The following MAFG variants were observed in gnomAD, a reference collection of about 807,000 sequenced individuals.
MAFG encodes MAF bZIP transcription factor G.
In MAFG, 3 loss-of-function variants were observed where a neutral mutation model predicts 12.2. That is an observed-to-expected ratio of 0.25 (90% confidence interval 0.11 to 0.64). The LOEUF is 0.64. Ranked by LOEUF, MAFG falls within the 30% of genes least tolerant of loss-of-function variation. The pLI, the probability that MAFG is intolerant of heterozygous loss-of-function variation, is 0.85. For synonymous variants in MAFG, 126 were observed against 109.1 expected (o/e 1.15, Z -0.96); for missense variants, 153 against 235.5 (o/e 0.65, Z 2.29).
In MAFG at chr17:81,926,166, C is replaced by A. The variant is rs565613707; in HGVS notation, c.-30+1362G>T. Among the ~76,000 whole-genome samples, 11 of 152,312 alleles carry A rather than the reference C, an allele frequency of 7.2e-5. No homozygotes were observed. In the South Asian group the frequency reaches 2.3e-3, roughly 32 times the overall value. On this transcript the variant is annotated intron_variant, in intron 1 of 2. Transcript: ENST00000357736. This position sits in a 1 kb window ranked among gnomAD's most constrained non-coding sequence, Gnocchi z 4.6. ...AAAGGTGGCTCTGGCCACATCACTC[C>A]CAAGCTGCCACTTTCTAAGCGTCCT... is the stretch of plus-strand genomic sequence containing the variant.
Position 81,926,865 on chromosome 17 carries a change from C to T in MAFG, c.-30+663G>A, listed in dbSNP as rs2040943719. Among the ~76,000 whole-genome samples, 1 of 152,034 alleles carries T rather than the reference C, an allele frequency of 6.6e-6. No individual in the cohort carries two copies. The highest frequency in any genetic ancestry group is 2.4e-5 in the African/African-American group (1 of 41,396). On this transcript the variant is annotated intron_variant, in intron 1 of 2. Transcript: ENST00000357736. The surrounding 1 kb of genome is among the most constrained non-coding windows in gnomAD (Gnocchi z 4.6). ...CGGGCCTGGCCCCCTCCCACATCCC[C>T]ACGGCTCCCTCCCACCTCCCGCTGG...
In MAFG at chr17:81,925,022, G is replaced by A. The variant is rs929323079; in HGVS notation, c.-29-1808C>T. ...CATCGCCTCCTATCAAAGGTGCGCCGGGGGGTGGGGGAGGGGCAGCCCTGA... is the reference window on the plus strand; with the variant it reads ...CATCGCCTCCTATCAAAGGTGCGCCAGGGGGTGGGGGAGGGGCAGCCCTGA... On this transcript the variant is annotated intron_variant, in intron 1 of 2. Transcript: ENST00000357736. 2.0e-5 allele frequency among the ~76,000 whole-genome samples: 3 copies of A among 151,646 alleles called. No individual in the cohort carries two copies. The South Asian group carries it at 6.2e-4, about 31-fold the overall frequency.
Position 81,922,530 on chromosome 17 carries a change from A to C in MAFG, c.*75T>G. ...GAGGGAGGAAAGAGAAGAGAAGGAA[A>C]CAGAGGGACAGGGCAGCCAAATTCG... On this transcript the variant is annotated 3_prime_UTR_variant, in exon 3 of 3. Coordinates refer to ENST00000357736, the MANE Select transcript of MAFG (RefSeq NM_002359.4). 8.7e-7 allele frequency: 1 copy of C among 1,144,244 alleles called. No individual in the cohort carries two copies. The highest frequency in any genetic ancestry group is 1.2e-6 in the Non-Finnish European group (1 of 849,492). 70.9% of individuals were successfully genotyped at this position (1,144,244 alleles called of 1,614,324 possible). A position where few individuals can be genotyped will look rare whatever the true frequency, so the allele number is the denominator to read the frequency against.
intron 1 of MAFG, 46 bp from the exon 2 acceptor site, chr17:81,923,260 G>GCCCCCCCCCCCCCCCCCCCCC (rs1418757108): frequency 2.3e-6 from 1 of 428,374 alleles, no homozygotes; most frequent in African/African-American, 5.8e-5. Context: ...CACCCTCGCC[G>GCCCCCCCCCCCCCCCCCCCCC]CACCCCCCCC....
At chr17:81,927,255 A>C (rs915076843) in intron 1 of MAFG, among the ~76,000 whole-genome samples, 1 of 150,304 alleles carries the variant, frequency 6.7e-6, no homozygotes, top group African/African-American at 2.5e-5. Context: ...TCCGCTCCGC[A>C]CTCGCCCGGC....
rs1226711978 is a variant in MAFG at position 81,924,786 on chromosome 17, C to T, written c.-29-1572G>A. On this transcript the variant is annotated intron_variant, in intron 1 of 2. Transcript: ENST00000357736. The surrounding 1 kb of genome is among the most constrained non-coding windows in gnomAD (Gnocchi z 4.7). ...ACAACACTGCCCCAGGAGACAGGCC[C>T]TCAGCCAAGCATGGAGGGGCCCCCC... 6.6e-6 allele frequency among the ~76,000 whole-genome samples: 1 copy of T among 152,232 alleles called. No individual in the cohort carries two copies. Among genetic ancestry groups the T allele is most frequent in the Non-Finnish European group, 1.5e-5 (1 of 68,034 alleles).
rs61752690 is a variant in MAFG, at chr17:81,922,689, G to A, written c.405C>T (p.Ala135=). ...PVAPARGPLA[A]GLGPLVPGKV... is the part of the protein sequence containing the mutation. ...TGCCTGGGACGAGGGGCCCCAGGCC[G>A]GCGGCAAGGGGGCCCCGGGCTGGCG... The change falls in exon 3 of 3, where the codon GCC becomes GCT. Residue 135 remains alanine (A), a synonymous_variant. Coordinates refer to ENST00000357736, the MANE Select transcript of MAFG (RefSeq NM_002359.4). 9,628 of 1,505,978 alleles carry A rather than the reference G, an allele frequency of 6.4e-3. 39 individuals carry two copies. Among genetic ancestry groups the A allele is most frequent in the Non-Finnish European group, 7.6e-3 (8,630 of 1,132,090 alleles). The allele number at this position is 1,505,978 out of a possible 1,614,324, so 93.3% of individuals were successfully genotyped here.
At position 81,920,426 on chromosome 17, in the gene MAFG, C is replaced by G. The variant is rs2040878242; in HGVS notation, c.*2179G>C. 6.6e-6 allele frequency: 1 copy of G among 152,274 alleles called. No individual in the cohort carries two copies. Among genetic ancestry groups the G allele is most frequent in the South Asian group, 2.1e-4 (1 of 4,834 alleles). The allele number at this position is 152,274 out of a possible 1,614,324, so 9.4% of individuals were successfully genotyped here. A position where few individuals can be genotyped will look rare whatever the true frequency, so the allele number is the denominator to read the frequency against. On this transcript the variant is annotated 3_prime_UTR_variant, in exon 3 of 3. Coordinates refer to ENST00000357736, the MANE Select transcript of MAFG (RefSeq NM_002359.4). Reference sequence around the variant, plus strand: ...TTGGGCCACAGTTTTTCATCTTACCCACATCTGTGTGCTTTACAGAAGTCT... The same window carrying G: ...TTGGGCCACAGTTTTTCATCTTACCGACATCTGTGTGCTTTACAGAAGTCT...
rs746105372 is a variant in MAFG, at chr17:81,922,947, G to A, written c.147C>T (p.Ile49=). 1.4e-5 allele frequency: 22 copies of A among 1,603,388 alleles called. No homozygotes were observed. The highest frequency in any genetic ancestry group is 1.1e-4 in the African/African-American group (8 of 74,778). ...TGCGCCGGCGCTGCTTCAGCTGGAC[G>A]ATCTCCTCCTTGGACAGGCCCCGCA... is the stretch of plus-strand genomic sequence containing the variant. The part of the protein sequence containing the change: ...QHLRGLSKEE[I]VQLKQRRRTL... Residue 49 remains isoleucine (I), a synonymous_variant, in exon 3 of 3, where the codon ATC becomes ATT. Coordinates refer to ENST00000357736, the MANE Select transcript of MAFG (RefSeq NM_002359.4).
Position 81,923,029 on chromosome 17 carries a change from G to T in MAFG, c.65C>A (p.Thr22Asn), listed in dbSNP as rs1199230705. Residue 22 changes from threonine to asparagine, a missense_variant, in exon 3 of 3, where the codon ACC (threonine) becomes AAC (asparagine). Around this residue, in one of 3 missense-constraint regions of MAFG, gnomAD observed 43 missense variants for 65.6 expected, o/e 0.66. Transcript: ENST00000357736. ...KVKREPGENGTSLTDEELVTM... is the reference protein window; with the variant it reads ...KVKREPGENGNSLTDEELVTM... Reference sequence around the variant, plus strand: ...CACCAGCTCCTCATCCGTCAGGCTGGTGCCATTCTCACCCGGCTCCCGCTT... The same window carrying T: ...CACCAGCTCCTCATCCGTCAGGCTGTTGCCATTCTCACCCGGCTCCCGCTT... 1 of 1,598,356 alleles carries T rather than the reference G, an allele frequency of 6.3e-7. No homozygotes were observed. The highest frequency in any genetic ancestry group is 2.3e-5 in the East Asian group (1 of 44,152).
upstream of MAFG, chr17:81,928,239 C>T (rs1598349192): frequency 2.0e-5 from 3 of 152,362 alleles, no homozygotes; most frequent in East Asian, 1.9e-4. The surrounding 1 kb of genome is among the most constrained non-coding windows in gnomAD (Gnocchi z 8.1). Flanking sequence ...GCAGCAGACC[C>T]CGAGCTGCCC....
In MAFG at chr17:81,925,450, C is replaced by T. The variant is rs537704396; in HGVS notation, c.-30+2078G>A. On this transcript the variant is annotated intron_variant, in intron 1 of 2. Coordinates refer to ENST00000357736, the MANE Select transcript of MAFG (RefSeq NM_002359.4). The stretch of plus-strand genomic sequence containing the variant: ...GCCTCTGCTCCATAAGCTCTCAGCT[C>T]CTGAAAGTCACTCTTTGAACAGAAC... 2.0e-5 allele frequency among the ~76,000 whole-genome samples: 3 copies of T among 152,360 alleles called. No homozygotes were observed. The East Asian group carries it at 5.8e-4, about 29-fold the overall frequency.
rs1420726745 is a variant in MAFG, at chr17:81,922,650, G to T, written c.444C>A (p.Thr148=). 6.6e-6 allele frequency: 10 copies of T among 1,504,298 alleles called. No homozygotes were observed. Among genetic ancestry groups the T allele is most frequent in the Non-Finnish European group, 8.0e-6 (9 of 1,131,352 alleles). The allele number at this position is 1,504,298 out of a possible 1,614,324, so 93.2% of individuals were successfully genotyped here. ...TGGACTTTACTATTGTGATGACGCTGGTGGCGGCCACCTTGCCTGGGACGA... is the reference window on the plus strand; with the variant it reads ...TGGACTTTACTATTGTGATGACGCTTGTGGCGGCCACCTTGCCTGGGACGA... ...GPLVPGKVAA[T]SVITIVKSKT... is the part of the protein sequence containing the mutation. Residue 148 remains threonine, a synonymous_variant, in exon 3 of 3, where the codon ACC becomes ACA. Transcript: ENST00000357736.
At position 81,924,757 on chromosome 17, in the gene MAFG, C is replaced by T. The variant is rs760428261; in HGVS notation, c.-29-1543G>A. ...CCACAGGAGCCCTTTCCTACACGTCCGGCACAACACTGCCCCAGGAGACAG... is the reference window on the plus strand; with the variant it reads ...CCACAGGAGCCCTTTCCTACACGTCTGGCACAACACTGCCCCAGGAGACAG... On this transcript the variant is annotated intron_variant, in intron 1 of 2. Coordinates refer to ENST00000357736, the MANE Select transcript of MAFG (RefSeq NM_002359.4). This position sits in a 1 kb window ranked among gnomAD's most constrained non-coding sequence, Gnocchi z 4.7. 1.3e-5 allele frequency among the ~76,000 whole-genome samples: 2 copies of T among 152,188 alleles called. No homozygotes were observed. Among genetic ancestry groups the T allele is most frequent in the Admixed American group, 6.5e-5 (1 of 15,290 alleles).
At chr17:81,923,799 G>C (rs758765677) in intron 1 of MAFG, among the ~76,000 whole-genome samples, 5 of 152,208 alleles carry the variant, frequency 3.3e-5, no homozygotes, top group Admixed American at 3.3e-4. Flanking sequence ...AGCCGGCCTC[G>C]GACAAAGCCC....
Position 81,922,544 on chromosome 17 carries a change from C to T in MAFG, c.*61G>A. ...AAGAGAAGGAAACAGAGGGACAGGG[C>T]AGCCAAATTCGCCATGTGCCTAGTG... is the stretch of plus-strand genomic sequence containing the variant. On this transcript the variant is annotated 3_prime_UTR_variant, in exon 3 of 3. Transcript: ENST00000357736. The T allele has an allele frequency of 7.9e-7, 1 of 1,269,096 alleles. No individual in the cohort carries two copies. The highest frequency in any genetic ancestry group is 1.0e-6 in the Non-Finnish European group (1 of 958,104). 78.6% of individuals were successfully genotyped at this position (1,269,096 alleles called of 1,614,324 possible). A position where few individuals can be genotyped will look rare whatever the true frequency, so the allele number is the denominator to read the frequency against.
Position 81,922,842 on chromosome 17 carries a change from C to G in MAFG, c.252G>C (p.Ala84=). The G allele has an allele frequency of 1.2e-6, 2 of 1,610,390 alleles. No homozygotes were observed. Among genetic ancestry groups the G allele is most frequent in the Non-Finnish European group, 1.7e-6 (2 of 1,178,656 alleles). The stretch of plus-strand genomic sequence containing the variant: ...GCTTCTCCACCTCCTGCTGCAGCTC[C>G]GCCTTCTGCTTCTCCAGCTCCTCCT... ...TQKEELEKQK[A]ELQQEVEKLA... Residue 84 remains alanine, a synonymous_variant, in exon 3 of 3, where the codon GCG becomes GCC. Coordinates refer to ENST00000357736, the MANE Select transcript of MAFG (RefSeq NM_002359.4).
upstream of MAFG, among the ~76,000 whole-genome samples, chr17:81,931,208 A>G (rs1256031501): frequency 6.6e-6 from 1 of 151,966 alleles, no homozygotes; most frequent in East Asian, 1.9e-4. Context: ...GCAGCCCCCC[A>G]CACACCTCCT....
In MAFG at chr17:81,926,099, G is replaced by A. The variant is rs1426433439; in HGVS notation, c.-30+1429C>T. On this transcript the variant is annotated intron_variant, in intron 1 of 2. Transcript: ENST00000357736. This position sits in a 1 kb window ranked among gnomAD's most constrained non-coding sequence, Gnocchi z 4.6. ...AACCCAGCCATGAAATGAACTCCTG[G>A]GCAAAGGAAGTCAACCTTCGTGAAT... Among the ~76,000 whole-genome samples, 1 of 151,796 alleles carries A rather than the reference G, an allele frequency of 6.6e-6. No homozygotes were observed. Among genetic ancestry groups the A allele is most frequent in the Admixed American group, 6.6e-5 (1 of 15,234 alleles).
Sources: gnomAD v4.1 joint callset for allele counts (sites outside exome capture counted in the v4.1 genomes callset) on GRCh38, gnomAD v4.1.1 for gene constraint, gnomAD v4.1.1 regional missense constraint, Gnocchi (gnomAD v3.1) non-coding constraint, MANE v1.5 for transcripts, NCBI Gene and HGNC (gene_info 2026-07-23, HGNC 2026-07-21) for gene names.